Variants in CCNY observed in about 807,000 individuals in gnomAD.
CCNY encodes the protein cyclin-Y.
CCNY carries 19 observed loss-of-function variants against 42.8 expected under a neutral mutation model. The observed-to-expected ratio is 0.44, with a 90% confidence interval of 0.31 to 0.65. The LOEUF (loss-of-function observed/expected upper bound fraction) is 0.65, where lower values mean the gene tolerates loss of function less well. Ranked by LOEUF, CCNY falls within the 30% of genes least tolerant of loss-of-function variation. CCNY has a pLI of 0.07. For synonymous variants in CCNY, 165 were observed against 162.7 expected (o/e 1.01, Z -0.11); for missense variants, 370 against 437.3 (o/e 0.85, Z 1.37).
chr10:35,273,174 C>G (rs1372710490), intron 3 of CCNY, among the ~76,000 whole-genome samples: 3 of 151,924 alleles, frequency 2.0e-5, no homozygotes, highest in Non-Finnish European at 4.4e-5. Flanking sequence ...GCTCACATCC[C>G]AAAACCTCCT....
At chr10:35,368,724 G>A (rs999623748) in intron 1 of CCNY, among the ~76,000 whole-genome samples, 28 of 152,316 alleles carry the variant, frequency 1.8e-4, no homozygotes, top group Admixed American at 1.6e-3. Context: ...TGGGGTGGGC[G>A]GTGTGGCATA....
At chr10:35,563,581 G>A (rs968258349) in intron 8 of CCNY, among the ~76,000 whole-genome samples, 4 of 152,114 alleles carry the variant, frequency 2.6e-5, no homozygotes, top group Non-Finnish European at 5.9e-5. Context: ...TGACGCTTTC[G>A]TTTTGTTGAA....
intron 1 of CCNY, among the ~76,000 whole-genome samples, chr10:35,415,173 A>T (rs1255174411): frequency 6.6e-6 from 1 of 152,190 alleles, no homozygotes; most frequent in Non-Finnish European, 1.5e-5. Flanking sequence ...GAGGAGATGG[A>T]GCCTGGCCCT....
chr10:35,546,996 G>C (rs901641821), intron 7 of CCNY, among the ~76,000 whole-genome samples: 3 of 152,144 alleles, frequency 2.0e-5, no homozygotes, highest in African/African-American at 7.2e-5. Flanking sequence ...CTGCTTTAAT[G>C]ATCTGGAGGT....
intron 3 of CCNY, among the ~76,000 whole-genome samples, chr10:35,277,029 G>C (rs1835247116): frequency 6.6e-6 from 1 of 152,214 alleles, no homozygotes; most frequent in Admixed American, 6.5e-5. Context: ...CCAGCACCTT[G>C]GGATTCCATC....
intron 1 of CCNY, among the ~76,000 whole-genome samples, chr10:35,442,030 A>C (rs1206075317): frequency 2.6e-5 from 4 of 152,226 alleles, no homozygotes; most frequent in Non-Finnish European, 5.9e-5. Context: ...ATTTGAAAGA[A>C]CTTAGATTCA....
At chr10:35,489,716 T>C (rs116588121) in intron 2 of CCNY, among the ~76,000 whole-genome samples, 1 of 152,096 alleles carries the variant, frequency 6.6e-6, no homozygotes, top group African/African-American at 2.4e-5. Flanking sequence ...GCCAAAATAA[T>C]TCCTAATAAT....
chr10:35,311,690 A>C (rs6481953), intron 3 of CCNY, among the ~76,000 whole-genome samples: 135,782 of 147,072 alleles, frequency 0.92, 62,445 homozygotes, highest in East Asian at 1. Flanking sequence ...CCACCCCCCC[A>C]AAAAAAAGTT....
chr10:35,483,854 A>G (rs1416430785), intron 2 of CCNY, among the ~76,000 whole-genome samples: 1 of 152,244 alleles, frequency 6.6e-6, no homozygotes, highest in Non-Finnish European at 1.5e-5. Context: ...TAATCCTTAA[A>G]TAAAAGTACC....
At chr10:35,252,438 C>T (rs1230756733) in intron 3 of CCNY, among the ~76,000 whole-genome samples, 4 of 151,958 alleles carry the variant, frequency 2.6e-5, no homozygotes, top group Middle Eastern at 3.4e-3. Context: ...TGGTGGCTGG[C>T]GCCTGTAGTC....
intron 1 of CCNY, among the ~76,000 whole-genome samples, chr10:35,350,648 AGT>A (rs1836409894): frequency 6.6e-6 from 1 of 152,216 alleles, no homozygotes; most frequent in Non-Finnish European, 1.5e-5. Flanking sequence ...GGGCATCCTT[AGT>A]GGAAAACTTT....
At chr10:35,447,827 C>T (rs1838825911) in intron 1 of CCNY, among the ~76,000 whole-genome samples, 2 of 152,126 alleles carry the variant, frequency 1.3e-5, no homozygotes, top group Admixed American at 6.6e-5. Flanking sequence ...ATTTGAAACA[C>T]GTGGCTGTAA....
chr10:35,263,148 G>A (rs12250082), intron 3 of CCNY, among the ~76,000 whole-genome samples: 55,853 of 151,140 alleles, frequency 0.37, 10,877 homozygotes, highest in African/African-American at 0.5. Flanking sequence ...CGAGGTTAGG[G>A]GATCGAGGCC....
At chr10:35,280,014 C>T (rs1025814899) in intron 3 of CCNY, among the ~76,000 whole-genome samples, 2 of 152,182 alleles carry the variant, frequency 1.3e-5, no homozygotes, top group African/African-American at 4.8e-5. Context: ...TTGTCTCCAT[C>T]ATTTCATAAA....
At chr10:35,311,538 A>G (rs1835683328) in intron 3 of CCNY, among the ~76,000 whole-genome samples, 1 of 152,090 alleles carries the variant, frequency 6.6e-6, no homozygotes, top group Non-Finnish European at 1.5e-5. Context: ...TTAGCCAGGC[A>G]TAGTGGCATG....
chr10:35,483,147 AT>A (rs1839711430), intron 1 of CCNY, among the ~76,000 whole-genome samples: 1 of 152,146 alleles, frequency 6.6e-6, no homozygotes, highest in African/African-American at 2.4e-5. Context: ...GCAGAGCAGA[AT>A]TTTTTCAGGA....
intron 8 of CCNY, among the ~76,000 whole-genome samples, chr10:35,556,790 AC>A (rs1309667560): frequency 6.6e-6 from 1 of 151,662 alleles, no homozygotes; most frequent in Admixed American, 6.6e-5. Flanking sequence ...AGGTCTTTAT[AC>A]ATTTTGGCCT....
At chr10:35,313,473 GCT>G (rs1297955386) in intron 3 of CCNY, among the ~76,000 whole-genome samples, 2 of 152,106 alleles carry the variant, frequency 1.3e-5, no homozygotes, top group African/African-American at 4.8e-5. Context: ...TCTGTTTCAG[GCT>G]CTCTGCAACA....
At chr10:35,471,001 A>C (rs1839380828) in intron 1 of CCNY, among the ~76,000 whole-genome samples, 1 of 152,220 alleles carries the variant, frequency 6.6e-6, no homozygotes, top group African/African-American at 2.4e-5. Flanking sequence ...TATTGCTCAA[A>C]AGACAGGAAA....
Sources: gnomAD v4.1 joint callset for allele counts (sites outside exome capture counted in the v4.1 genomes callset) on GRCh38, gnomAD v4.1.1 for gene constraint, MANE v1.5 for transcripts, NCBI Gene and HGNC (gene_info 2026-07-23, HGNC 2026-07-21) for gene names.